CA8: variants seen among roughly 807,000 people sequenced by gnomAD.
CA8 encodes the protein carbonic anhydrase 8 (inactive).
CA8 carries 22 observed loss-of-function variants against 41.4 expected under a neutral mutation model. The observed-to-expected ratio is 0.53, with a 90% confidence interval of 0.38 to 0.76. The LOEUF is 0.76. Among genes scored for constraint, CA8 ranks in the 30% least tolerant of loss-of-function variants. The pLI is 0.00. For missense variants in CA8, 270 were observed against 352.8 expected (o/e 0.77, Z 1.88); for synonymous variants, 121 against 130.6 (o/e 0.93, Z 0.50).
chr8:60,279,677 T>C lies in CA8; in HGVS notation c.292+12A>G. On this transcript the variant is annotated intron_variant, in intron 2 of 8. Transcript: ENST00000317995. ...AGTTTAAAAGACCACACAAACATAT[T>C]TTCTAAAATACCTGATTTTGACTTC... is the stretch of plus-strand genomic sequence containing the variant. 1.2e-6 allele frequency: 2 copies of C among 1,611,600 alleles called. No homozygotes were observed. Among genetic ancestry groups the C allele is most frequent in the South Asian group, 1.1e-5 (1 of 91,036 alleles).
At chr8:60,210,784 C>T (rs1432178442) in intron 7 of CA8, among the ~76,000 whole-genome samples, 8 of 152,144 alleles carry the variant, frequency 5.3e-5, no homozygotes, top group African/African-American at 1.9e-4. Context: ...AGAAGCCAGT[C>T]AGATAAGCAA....
In CA8 at chr8:60,186,903, C is replaced by A. The variant is rs1805981680; in HGVS notation, c.*3118G>T. Among the ~76,000 whole-genome samples the A allele has an allele frequency of 6.6e-6, 1 of 151,980 alleles. No individual in the cohort carries two copies. The highest frequency in any genetic ancestry group is 1.5e-5 in the Non-Finnish European group (1 of 67,882). Reference sequence around the variant, plus strand: ...AACAACAGTCAGAGAATTCAATACACTACTTTCATAATAGACAGAAATAGG... The same window carrying A: ...AACAACAGTCAGAGAATTCAATACAATACTTTCATAATAGACAGAAATAGG... On this transcript the variant is annotated 3_prime_UTR_variant, in exon 9 of 9. Transcript: ENST00000317995.
intron 3 of CA8, among the ~76,000 whole-genome samples, chr8:60,235,297 C>G (rs1807791807): frequency 6.6e-6 from 1 of 152,194 alleles, no homozygotes; most frequent in African/African-American, 2.4e-5. Flanking sequence ...CTCTAGGAGT[C>G]TGTGTCCAAA....
At chr8:60,242,779 T>G (rs1039043981) in intron 3 of CA8, among the ~76,000 whole-genome samples, 14 of 152,194 alleles carry the variant, frequency 9.2e-5, no homozygotes, top group South Asian at 2.1e-4. Context: ...GAGCAAGTGC[T>G]GGCTAGAGCA....
intron 3 of CA8, among the ~76,000 whole-genome samples, chr8:60,242,521 C>T (rs1035848898): frequency 4.6e-5 from 7 of 152,200 alleles, no homozygotes; most frequent in African/African-American, 1.7e-4. Flanking sequence ...AGTATTCACA[C>T]AAAGCACGGA....
intron 7 of CA8, among the ~76,000 whole-genome samples, chr8:60,216,248 G>A (rs1405804631): frequency 2.0e-5 from 3 of 152,096 alleles, no homozygotes; most frequent in Non-Finnish European, 2.9e-5. Context: ...AATTCTATGA[G>A]CAGCACCAAG....
chr8:60,226,994 A>T, intron 4 of CA8, 59 bp from the exon 5 acceptor site: 2 of 1,160,990 alleles, frequency 1.7e-6, no homozygotes, highest in East Asian at 2.4e-5. Flanking sequence ...AGCTTTAACT[A>T]AAAAAAAACT....
chr8:60,198,617 A>C (rs1806343553), intron 8 of CA8, among the ~76,000 whole-genome samples: 1 of 152,128 alleles, frequency 6.6e-6, no homozygotes, highest in African/African-American at 2.4e-5. Context: ...TTGACTATCT[A>C]ATTACTTCTT....
intron 4 of CA8, among the ~76,000 whole-genome samples, chr8:60,230,213 C>T (rs1321881395): frequency 6.6e-6 from 1 of 152,192 alleles, no homozygotes; most frequent in Non-Finnish European, 1.5e-5. Flanking sequence ...TCCTGGCCCT[C>T]TGTTTTGGAG....
chr8:60,200,912 ATTATCTTGTATTT>A (rs1458055639), intron 8 of CA8, among the ~76,000 whole-genome samples: 4 of 146,904 alleles, frequency 2.7e-5, no homozygotes, highest in Non-Finnish European at 6.0e-5. Context: ...TCTTGTATTT[ATTATCTTGTATTT>A]AATCTTGCCA....
At chr8:60,259,706 T>C (rs1332881712) in intron 3 of CA8, among the ~76,000 whole-genome samples, 1 of 152,040 alleles carries the variant, frequency 6.6e-6, no homozygotes, top group Non-Finnish European at 1.5e-5. Context: ...AATGCAAGTG[T>C]TCATTAGAAT....
intron 3 of CA8, chr8:60,232,791 C>G (rs1807702145): frequency 5.4e-6 from 1 of 185,922 alleles, no homozygotes; most frequent in Non-Finnish European, 1.2e-5. Flanking sequence ...CCCAGTACTT[C>G]CATCAGGAGA....
At chr8:60,274,432 T>A (rs892740674) in intron 2 of CA8, among the ~76,000 whole-genome samples, 3 of 152,086 alleles carry the variant, frequency 2.0e-5, no homozygotes, top group African/African-American at 7.2e-5. Flanking sequence ...GCTAAGTAAC[T>A]ACAGGAAGAA....
intron 8 of CA8, among the ~76,000 whole-genome samples, chr8:60,193,186 G>A (rs1013936533): frequency 1.3e-5 from 2 of 152,094 alleles, no homozygotes; most frequent in African/African-American, 4.8e-5. Context: ...CCACCTAAGT[G>A]TTCTACGTGC....
chr8:60,223,281 T>G (rs979478389), intron 6 of CA8, among the ~76,000 whole-genome samples: 16 of 151,888 alleles, frequency 1.1e-4, no homozygotes, highest in African/African-American at 3.9e-4. Context: ...CAATCTGGCT[T>G]CATAACCTGT....
At chr8:60,267,044 A>G (rs1563380455) in intron 2 of CA8, among the ~76,000 whole-genome samples, 1 of 152,236 alleles carries the variant, frequency 6.6e-6, no homozygotes, top group Non-Finnish European at 1.5e-5. Flanking sequence ...GACATAACAG[A>G]TTCCACACCT....
chr8:60,224,735 C>T, intron 5 of CA8, 150 bp from the exon 6 acceptor site: 1 of 631,478 alleles, frequency 1.6e-6, no homozygotes, highest in South Asian at 1.9e-5. Context: ...CTTCCACCTT[C>T]TCATTGGAGT....
At chr8:60,264,812 G>T (rs1275924658) in intron 3 of CA8, 4 of 152,142 alleles carry the variant, frequency 2.6e-5, no homozygotes, top group East Asian at 3.9e-4. Flanking sequence ...AGCTTCCAGA[G>T]ATTTTTTTAT....
At chr8:60,194,608 G>A (rs1333335382) in intron 8 of CA8, among the ~76,000 whole-genome samples, 1 of 152,170 alleles carries the variant, frequency 6.6e-6, no homozygotes, top group African/African-American at 2.4e-5. Context: ...TTTGGAGGGG[G>A]CTGAGAGATT....
Sources: gnomAD v4.1 joint callset for allele counts (sites outside exome capture counted in the v4.1 genomes callset) on GRCh38, gnomAD v4.1.1 for gene constraint, MANE v1.5 for transcripts, NCBI Gene and HGNC (gene_info 2026-07-23, HGNC 2026-07-21) for gene names.